ROBO1: variants seen among roughly 807,000 people sequenced by gnomAD.
The protein encoded by ROBO1 is roundabout guidance receptor 1, also known as roundabout homolog 1.
ROBO1 carries 149 observed loss-of-function variants against 195.9 expected under a neutral mutation model. That is an observed-to-expected ratio of 0.76 (90% confidence interval 0.67 to 0.87). The LOEUF is 0.87. Ranked by LOEUF, ROBO1 falls within the 40% of genes least tolerant of loss-of-function variation. The probability of loss-of-function intolerance (pLI) is 0.00; values close to 1 mark genes in which losing one functional copy is unlikely to be tolerated. For synonymous variants in ROBO1, 816 were observed against 733.2 expected, an observed-to-expected ratio of 1.11 and a Z score of -1.82; for missense variants, 1,933 against 2,068.3, an observed-to-expected ratio of 0.93 and a Z score of 1.27.
At chr3:79,515,919 A>ATT (rs1169407985) in intron 2 of ROBO1, among the ~76,000 whole-genome samples, 2 of 152,188 alleles carry the variant, frequency 1.3e-5, no homozygotes, top group Non-Finnish European at 2.9e-5. Flanking sequence ...AATAAAATAT[A>ATT]TTTTACTTCA....
intron 2 of ROBO1, among the ~76,000 whole-genome samples, chr3:79,432,917 C>T (rs966670153): frequency 6.6e-6 from 1 of 152,018 alleles, no homozygotes; most frequent in Admixed American, 6.6e-5. Context: ...AATATTAGTC[C>T]AAAGTTGTTT....
intron 2 of ROBO1, among the ~76,000 whole-genome samples, chr3:79,285,810 A>G (rs910608016): frequency 8.5e-5 from 13 of 152,234 alleles, no homozygotes; most frequent in African/African-American, 3.1e-4. Flanking sequence ...TCTTTGAGAC[A>G]AATAGATGAA....
At chr3:79,481,953 A>G (rs1365009974) in intron 2 of ROBO1, among the ~76,000 whole-genome samples, 1 of 152,216 alleles carries the variant, frequency 6.6e-6, no homozygotes, top group Non-Finnish European at 1.5e-5. Flanking sequence ...AATTTAACAT[A>G]GAAAATGTAT....
chr3:79,612,131 A>T (rs1040417359), intron 1 of ROBO1, among the ~76,000 whole-genome samples: 4 of 149,928 alleles, frequency 2.7e-5, no homozygotes, highest in Non-Finnish European at 4.4e-5. Context: ...TGCACCCACT[A>T]ACTCGTCATC....
chr3:79,209,580 C>T (rs369758419), intron 2 of ROBO1, among the ~76,000 whole-genome samples: 45 of 152,072 alleles, frequency 3.0e-4, no homozygotes, highest in African/African-American at 1.0e-3. Flanking sequence ...AAACTCCATA[C>T]TGTTTTCCAT....
At chr3:79,434,134 A>G (rs1409516011) in intron 2 of ROBO1, among the ~76,000 whole-genome samples, 9 of 152,220 alleles carry the variant, frequency 5.9e-5, no homozygotes, top group Non-Finnish European at 7.3e-5. Flanking sequence ...CCTAGGCAAT[A>G]CTATTCAGGA....
intron 4 of ROBO1, among the ~76,000 whole-genome samples, chr3:78,776,104 T>C (rs2108453567): frequency 6.6e-6 from 1 of 152,266 alleles, no homozygotes; most frequent in East Asian, 1.9e-4. Flanking sequence ...CACCCTTCTA[T>C]GGGTTCCAAA....
intron 1 of ROBO1, among the ~76,000 whole-genome samples, chr3:79,647,097 C>T (rs781419380): frequency 1.1e-4 from 17 of 151,736 alleles, no homozygotes; most frequent in African/African-American, 2.7e-4. Flanking sequence ...AAAATATTTA[C>T]GAATTATTTA....
At chr3:78,618,176 G>T in intron 26 of ROBO1, 135 bp from the exon 27 acceptor site, 1 of 883,062 alleles carries the variant, frequency 1.1e-6, no homozygotes, top group Non-Finnish European at 1.7e-6. Flanking sequence ...AAAAACAACT[G>T]AATATCACAA....
At chr3:79,514,333 C>T (rs144138437) in intron 2 of ROBO1, among the ~76,000 whole-genome samples, 1 of 152,146 alleles carries the variant, frequency 6.6e-6, no homozygotes, top group Non-Finnish European at 1.5e-5. Context: ...ATGAATTTCT[C>T]TCATATTTTT....
intron 1 of ROBO1, among the ~76,000 whole-genome samples, chr3:79,756,672 G>A (rs536528650): frequency 4.6e-5 from 7 of 151,700 alleles, no homozygotes; most frequent in African/African-American, 1.7e-4. Context: ...ATATATGTAT[G>A]CCTTTAACCA....
At chr3:78,807,705 T>C (rs1447359840) in intron 4 of ROBO1, among the ~76,000 whole-genome samples, 1 of 152,184 alleles carries the variant, frequency 6.6e-6, no homozygotes, top group Non-Finnish European at 1.5e-5. Context: ...GAACATATGG[T>C]TGCATCCTTT....
intron 2 of ROBO1, among the ~76,000 whole-genome samples, chr3:79,302,240 C>G (rs547123960): frequency 6.6e-6 from 1 of 152,178 alleles, no homozygotes; most frequent in Non-Finnish European, 1.5e-5. Context: ...ATTTATACTG[C>G]TCGCCACCTG....
chr3:79,412,974 T>C (rs2037843630), intron 2 of ROBO1, among the ~76,000 whole-genome samples: 1 of 149,700 alleles, frequency 6.7e-6, no homozygotes, highest in Non-Finnish European at 1.5e-5. Flanking sequence ...AAATATTGTA[T>C]TGATTATATT....
intron 3 of ROBO1, among the ~76,000 whole-genome samples, chr3:79,090,767 T>C (rs1308514532): frequency 6.6e-6 from 1 of 152,128 alleles, no homozygotes; most frequent in Non-Finnish European, 1.5e-5. Context: ...GACTGGCACA[T>C]TGTAAGCACT....
At chr3:78,955,295 A>G (rs535535176) in intron 3 of ROBO1, among the ~76,000 whole-genome samples, 17 of 152,106 alleles carry the variant, frequency 1.1e-4, no homozygotes, top group African/African-American at 4.1e-4. Flanking sequence ...TGGTGTACAG[A>G]TTATTTCATT....
intron 2 of ROBO1, among the ~76,000 whole-genome samples, chr3:79,479,140 A>C (rs1314751330): frequency 6.6e-6 from 1 of 152,202 alleles, no homozygotes; most frequent in Admixed American, 6.5e-5. Context: ...AATAAATGAT[A>C]ATGGAATGTA....
chr3:78,803,468 T>C (rs1292598446), intron 4 of ROBO1, among the ~76,000 whole-genome samples: 2 of 152,122 alleles, frequency 1.3e-5, no homozygotes, highest in Non-Finnish European at 2.9e-5. Context: ...TTTTAAAAAT[T>C]CGAGGCATGA....
At chr3:78,650,962 T>C (rs944657123) in intron 19 of ROBO1, among the ~76,000 whole-genome samples, 1 of 152,296 alleles carries the variant, frequency 6.6e-6, no homozygotes, top group East Asian at 1.9e-4. Context: ...GGATCATCTG[T>C]CTGACACTGT....
Sources: gnomAD v4.1 joint callset for allele counts (sites outside exome capture counted in the v4.1 genomes callset) on GRCh38, gnomAD v4.1.1 for gene constraint, MANE v1.5 for transcripts, NCBI Gene and HGNC (gene_info 2026-07-23, HGNC 2026-07-21) for gene names.